JAKMIP2: variants seen among roughly 807,000 people sequenced by gnomAD.
JAKMIP2 encodes janus kinase and microtubule-interacting protein 2.
Under a neutral mutation model 115.0 loss-of-function variants are expected in JAKMIP2, and 25 were observed. That is an observed-to-expected ratio of 0.22 (90% CI 0.16 to 0.30). The LOEUF (loss-of-function observed/expected upper bound fraction) is 0.30, where lower values mean the gene tolerates loss of function less well. JAKMIP2 is among the 10% of genes least tolerant of loss of function. JAKMIP2 has a pLI of 1.00. For synonymous variants in JAKMIP2, 334 were observed against 343.6 expected (o/e 0.97, Z 0.31); for missense variants, 642 against 957.6 (o/e 0.67, Z 4.35).
chr5:147,605,556 T>C (rs1033796321), intron 20 of JAKMIP2, among the ~76,000 whole-genome samples: 1 of 152,116 alleles, frequency 6.6e-6, no homozygotes, highest in Non-Finnish European at 1.5e-5. Flanking sequence ...GGCATTTGGG[T>C]TGGTTCCAAG....
chr5:147,732,254 G>A (rs566948314), intron 1 of JAKMIP2, among the ~76,000 whole-genome samples: 109 of 152,106 alleles, frequency 7.2e-4, no homozygotes, highest in Non-Finnish European at 1.3e-3. Context: ...ATAAAGCTTT[G>A]ATTAAATGGC....
chr5:147,771,129 A>C (rs906413524), intron 1 of JAKMIP2, among the ~76,000 whole-genome samples: 3 of 152,098 alleles, frequency 2.0e-5, no homozygotes, highest in Non-Finnish European at 4.4e-5. Flanking sequence ...ATTTACTTTA[A>C]TTTTCAGAAT....
intron 3 of JAKMIP2, among the ~76,000 whole-genome samples, chr5:147,654,112 A>G (rs965568559): frequency 1.4e-5 from 2 of 141,976 alleles, no homozygotes; most frequent in African/African-American, 5.7e-5. Context: ...TGGTTACTGT[A>G]GCCTTGTAGT....
intron 3 of JAKMIP2, chr5:147,660,743 T>C: frequency 1.7e-6 from 1 of 586,286 alleles, no homozygotes; most frequent in Non-Finnish European, 3.0e-6. Context: ...CTCTTACACT[T>C]TACAATTTCA....
chr5:147,687,761 G>A (rs942945207), intron 1 of JAKMIP2, among the ~76,000 whole-genome samples: 1 of 152,198 alleles, frequency 6.6e-6, no homozygotes, highest in Non-Finnish European at 1.5e-5. Flanking sequence ...ATGGAAATAA[G>A]CTATTTAATA....
chr5:147,661,346 G>C lies in JAKMIP2; in HGVS notation c.229C>G (p.Leu77Val). Residue 77 changes from leucine to valine, a missense_variant, in exon 3 of 22, where the codon CTC becomes GTC. Physicochemically the swap from Leu to Val is conservative, Grantham distance 32. Around this residue, in one of 6 missense-constraint regions of JAKMIP2, gnomAD observed 439 missense variants for 570.9 expected, o/e 0.77. Coordinates refer to ENST00000616793, the MANE Select transcript of JAKMIP2 (RefSeq NM_001270941.2). ...AGCTCCTTCATCTTCTCCTCATGGA[G>C]CTTGGCTTTGAGTTCTGTCACCAGC... Reference protein sequence around the residue: ...TVLVTELKAKLHEEKMKELQA... With the variant: ...TVLVTELKAKVHEEKMKELQA... The C allele has an allele frequency of 6.2e-7, 1 of 1,614,022 alleles. No individual in the cohort carries two copies. The highest frequency in any genetic ancestry group is 2.2e-5 in the East Asian group (1 of 44,840).
In JAKMIP2 at chr5:147,644,320, G is replaced by A; in HGVS notation, c.1084-122C>T. 5 of 771,688 alleles carry A rather than the reference G, an allele frequency of 6.5e-6. No homozygotes were observed. In the South Asian group the frequency reaches 1.2e-4, roughly 18 times the overall value. 47.8% of individuals were successfully genotyped at this position (771,688 alleles called of 1,614,324 possible). A position where few individuals can be genotyped will look rare whatever the true frequency, so the allele number is the denominator to read the frequency against. On this transcript the variant is annotated intron_variant, in intron 6 of 21. Transcript: ENST00000616793. ...GCTAAATTTGGAAATTGCCCAGCCT[G>A]AATACACATACACCAACTAAATCCT...
intron 1 of JAKMIP2, among the ~76,000 whole-genome samples, chr5:147,683,754 A>T (rs942302352): frequency 2.6e-5 from 4 of 152,200 alleles, no homozygotes; most frequent in African/African-American, 9.6e-5. Context: ...AGAAATGTCT[A>T]TATATAGGAG....
At chr5:147,641,656 C>A in intron 8 of JAKMIP2, 52 bp downstream of exon 8, 1 of 1,288,696 alleles carries the variant, frequency 7.8e-7, no homozygotes, top group Non-Finnish European at 1.1e-6. Flanking sequence ...TGCCAAGCCT[C>A]ATCTCTCTGG....
intron 21 of JAKMIP2, among the ~76,000 whole-genome samples, chr5:147,598,654 C>T (rs1348092325): frequency 6.6e-6 from 1 of 152,088 alleles, no homozygotes; most frequent in East Asian, 1.9e-4. Flanking sequence ...TAGTCAATGC[C>T]AGCACTGAGT....
At chr5:147,770,326 C>T (rs1218765316) in intron 1 of JAKMIP2, among the ~76,000 whole-genome samples, 1 of 151,968 alleles carries the variant, frequency 6.6e-6, no homozygotes, top group Non-Finnish European at 1.5e-5. Context: ...AATTGCTCCA[C>T]CTGGGTCAGA....
chr5:147,608,738 T>C (rs1446952575), intron 20 of JAKMIP2, among the ~76,000 whole-genome samples: 1 of 152,196 alleles, frequency 6.6e-6, no homozygotes, highest in East Asian at 1.9e-4. Context: ...TTGTTAGTTT[T>C]CTGCCTTGTT....
At chr5:147,664,295 A>G (rs1366743528) in intron 2 of JAKMIP2, among the ~76,000 whole-genome samples, 1 of 152,018 alleles carries the variant, frequency 6.6e-6, no homozygotes, top group African/African-American at 2.4e-5. Flanking sequence ...TTCCTTACGT[A>G]TCTGCTCAAA....
intron 1 of JAKMIP2, among the ~76,000 whole-genome samples, chr5:147,779,072 A>G (rs1299075030): frequency 6.6e-6 from 1 of 152,126 alleles, no homozygotes; most frequent in Non-Finnish European, 1.5e-5. Context: ...AGCTCCAACC[A>G]TGAGAAACAA....
intron 11 of JAKMIP2, 126 bp from the exon 12 acceptor site, chr5:147,636,410 G>A (rs1207195465): frequency 2.8e-6 from 2 of 703,454 alleles, no homozygotes; most frequent in African/African-American, 1.8e-5. Context: ...AGACTGGTAA[G>A]TAGCACCCAC....
chr5:147,600,195 T>G (rs1469938175), intron 21 of JAKMIP2, among the ~76,000 whole-genome samples: 1 of 149,612 alleles, frequency 6.7e-6, no homozygotes, highest in Non-Finnish European at 1.5e-5. Context: ...AATTTGGATA[T>G]TCCCATTCAA....
At chr5:147,601,834 T>C (rs1277098646) in intron 20 of JAKMIP2, 23 bp from the exon 21 acceptor site, 7 of 1,095,270 alleles carry the variant, frequency 6.4e-6, no homozygotes, top group Non-Finnish European at 9.4e-6. Context: ...AAGAAGAAGA[T>C]TATGTAAATC....
intron 1 of JAKMIP2, among the ~76,000 whole-genome samples, chr5:147,721,902 T>C (rs1352148185): frequency 6.6e-6 from 1 of 152,112 alleles, no homozygotes; most frequent in African/African-American, 2.4e-5. Context: ...TCTTTCATAC[T>C]AAAGTGTGGG....
At chr5:147,752,911 G>T (rs1754611509) in intron 1 of JAKMIP2, among the ~76,000 whole-genome samples, 1 of 152,136 alleles carries the variant, frequency 6.6e-6, no homozygotes, top group Non-Finnish European at 1.5e-5. Context: ...TGTGGGAAGA[G>T]TGAAAATGAA....
Sources: allele counts gnomAD v4.1 joint callset (sites outside exome capture counted in the v4.1 genomes callset), GRCh38; gene constraint gnomAD v4.1.1; regional missense constraint gnomAD v4.1.1; transcripts MANE v1.5; gene names NCBI Gene and HGNC (gene_info 2026-07-23, HGNC 2026-07-21).